The following LIN9 variants were observed in gnomAD, a reference collection of about 807,000 sequenced individuals.
LIN9 encodes the protein protein lin-9 homolog.
Under a neutral mutation model 78.0 loss-of-function variants are expected in LIN9, and 18 were observed. The observed-to-expected ratio is 0.23, with a 90% CI of 0.16 to 0.34. The LOEUF (loss-of-function observed/expected upper bound fraction) is 0.34, where lower values mean the gene tolerates loss of function less well. Ranked by LOEUF, LIN9 falls within the 10% of genes least tolerant of loss-of-function variation. The pLI is 1.00. For synonymous variants in LIN9, 192 were observed against 215.2 expected (o/e 0.89, Z 0.94); for missense variants, 451 against 644.1 (o/e 0.70, Z 3.25).
At chr1:226,307,360 C>T (rs1187765862) in intron 1 of LIN9, among the ~76,000 whole-genome samples, 2 of 152,188 alleles carry the variant, frequency 1.3e-5, no homozygotes, top group African/African-American at 4.8e-5. Flanking sequence ...AGACCAGCTG[C>T]GGTGGCTCAC....
At chr1:226,272,381 CTTT>C (rs570128823) in intron 7 of LIN9, among the ~76,000 whole-genome samples, 11 of 125,918 alleles carry the variant, frequency 8.7e-5, no homozygotes, top group Non-Finnish European at 1.4e-4. Context: ...ATTGAAGTGG[CTTT>C]TTTTTTTTTT....
intron 10 of LIN9, among the ~76,000 whole-genome samples, chr1:226,254,338 C>T (rs371142662): frequency 9.2e-5 from 14 of 152,160 alleles, no homozygotes; most frequent in African/African-American, 3.4e-4. Context: ...GCAAAAAAAT[C>T]AAAATATCAA....
chr1:226,252,322 G>C (rs7521958), intron 10 of LIN9, among the ~76,000 whole-genome samples: 1 of 143,582 alleles, frequency 7.0e-6, no homozygotes, highest in Admixed American at 7.0e-5. Flanking sequence ...ATAAATAAAT[G>C]AATGAATGAA....
intron 4 of LIN9, among the ~76,000 whole-genome samples, chr1:226,290,388 T>G (rs1472429550): frequency 1.3e-5 from 2 of 151,522 alleles, no homozygotes; most frequent in Non-Finnish European, 2.9e-5. Flanking sequence ...TTGCCCAGGC[T>G]GGAGTGCAGT....
At chr1:226,272,781 TC>T (rs750566588) in intron 7 of LIN9, among the ~76,000 whole-genome samples, 16 of 152,096 alleles carry the variant, frequency 1.1e-4, no homozygotes, top group Non-Finnish European at 1.8e-4. Context: ...CAGCTGTAGA[TC>T]ATGTGCCTGC....
In LIN9 at chr1:226,277,816, T is replaced by G; in HGVS notation, c.641A>C (p.Asp214Ala). Residue 214 changes from aspartate to alanine, a missense_variant, in exon 7 of 15, where the codon GAT becomes GCT. By Grantham distance (126) the Asp-to-Ala change is moderately radical. Transcript: ENST00000681046. ...AATAACCAGAGGCAAAGGAATTTCA[T>G]CTGGGAGATCTTTGAATTGTGAAAC... The part of the protein sequence containing the change: ...ADVSQFKDLP[D>A]EIPLPLVIGT... 6 of 1,613,932 alleles carry G rather than the reference T, an allele frequency of 3.7e-6. No individual in the cohort carries two copies. Among genetic ancestry groups the G allele is most frequent in the Non-Finnish European group, 5.1e-6 (6 of 1,179,918 alleles).
At chr1:226,275,608 G>A (rs557839494) in intron 7 of LIN9, among the ~76,000 whole-genome samples, 3 of 149,566 alleles carry the variant, frequency 2.0e-5, no homozygotes, top group South Asian at 2.1e-4. Context: ...CAGGAGAATC[G>A]CTTGAACCTG....
intron 6 of LIN9, among the ~76,000 whole-genome samples, chr1:226,283,188 G>A (rs553682273): frequency 1.3e-4 from 20 of 151,848 alleles, no homozygotes; most frequent in African/African-American, 4.4e-4. Context: ...GTGCAGTGGC[G>A]TGAGCATGGC....
intron 4 of LIN9, among the ~76,000 whole-genome samples, chr1:226,293,500 G>A (rs1230915755): frequency 6.6e-6 from 1 of 152,138 alleles, no homozygotes; most frequent in African/African-American, 2.4e-5. Flanking sequence ...ATTCAACCTT[G>A]TATACAACAG....
At chr1:226,260,255 T>C (rs1302239887) in intron 10 of LIN9, among the ~76,000 whole-genome samples, 1 of 152,166 alleles carries the variant, frequency 6.6e-6, no homozygotes. Context: ...CTACTAAACA[T>C]TTGAGGAAGA....
chr1:226,309,148 A>G lies in LIN9; in HGVS notation c.-9T>C, dbSNP rs1289966342. 3 of 1,375,324 alleles carry G rather than the reference A, an allele frequency of 2.2e-6. No individual in the cohort carries two copies. Among genetic ancestry groups the G allele is most frequent in the Non-Finnish European group, 2.9e-6 (3 of 1,051,374 alleles). The allele number at this position is 1,375,324 out of a possible 1,614,324, so 85.2% of individuals were successfully genotyped here. ...TGGTCGAGCTCCGCCATCTTGAACG[A>G]GCCGCGCCGCTTTTTCAAAGGCTGC... On this transcript the variant is annotated 5_prime_UTR_variant, in exon 1 of 15. Transcript: ENST00000681046.
At position 226,265,416 on chromosome 1, in the gene LIN9, C is replaced by T. The variant is rs1031042954; in HGVS notation, c.1038+117G>A. On this transcript the variant is annotated intron_variant, in intron 10 of 14. Coordinates refer to ENST00000681046, the MANE Select transcript of LIN9 (RefSeq NM_001366245.2). The surrounding 1 kb of genome is among the most constrained non-coding windows in gnomAD (Gnocchi z 4.1). Reference sequence around the variant, plus strand: ...TTTCAGGCTTTGTTGGAAATAGCAGCTCTTAAAACCTACACGGTGATAAAC... The same window carrying T: ...TTTCAGGCTTTGTTGGAAATAGCAGTTCTTAAAACCTACACGGTGATAAAC... 2.8e-5 allele frequency: 14 copies of T among 507,078 alleles called. No homozygotes were observed. The highest frequency in any genetic ancestry group is 2.2e-4 in the Admixed American group (6 of 27,688). 31.4% of individuals were successfully genotyped at this position (507,078 alleles called of 1,614,324 possible). A position where few individuals can be genotyped will look rare whatever the true frequency, so the allele number is the denominator to read the frequency against.
intron 1 of LIN9, among the ~76,000 whole-genome samples, chr1:226,307,142 A>G (rs1433388322): frequency 6.6e-6 from 1 of 152,254 alleles, no homozygotes; most frequent in African/African-American, 2.4e-5. Flanking sequence ...TCCTAATGGC[A>G]GTTGTAAGAA....
chr1:226,301,038 G>A (rs1662505984), intron 2 of LIN9, 135 bp downstream of exon 2: 1 of 486,550 alleles, frequency 2.1e-6, no homozygotes, highest in East Asian at 3.1e-5. Flanking sequence ...ATTAATTTAA[G>A]GTTATCAGTG....
intron 6 of LIN9, among the ~76,000 whole-genome samples, chr1:226,280,974 T>G (rs916930145): frequency 6.6e-6 from 1 of 152,222 alleles, no homozygotes; most frequent in African/African-American, 2.4e-5. Flanking sequence ...CTCCCATGTT[T>G]ATTGTAGCAC....
chr1:226,287,330 C>A (rs1304920751), intron 5 of LIN9, among the ~76,000 whole-genome samples: 1 of 152,082 alleles, frequency 6.6e-6, no homozygotes, highest in East Asian at 1.9e-4. Context: ...ATGATTATAC[C>A]AGCACTTAAC....
At chr1:226,245,311 C>T (rs1022926662) in intron 11 of LIN9, among the ~76,000 whole-genome samples, 30 of 152,176 alleles carry the variant, frequency 2.0e-4, no homozygotes, top group African/African-American at 6.8e-4. Flanking sequence ...AGAATTGCTA[C>T]ACCCTTCATA....
In LIN9 at chr1:226,253,921, GA is replaced by G. The variant is rs1576296051; in HGVS notation, c.1039-3003del. On this transcript the variant is annotated intron_variant, in intron 10 of 14. Coordinates refer to ENST00000681046, the MANE Select transcript of LIN9 (RefSeq NM_001366245.2). ...CAGAGTAAGATTCTGTTTCAAAAAA[GA>G]AAAAAAAGAAAGAAAGAAATAATAA... Among the ~76,000 whole-genome samples, 8 of 151,434 alleles carry G rather than the reference GA, an allele frequency of 5.3e-5. No homozygotes were observed. In the East Asian group the frequency reaches 1.6e-3, roughly 29 times the overall value.
intron 11 of LIN9, among the ~76,000 whole-genome samples, chr1:226,245,940 C>T (rs774551382): frequency 1.2e-4 from 19 of 152,172 alleles, no homozygotes; most frequent in Non-Finnish European, 2.4e-4. Context: ...TCATCTTTTA[C>T]TATTATTTTA....
Sources: allele counts gnomAD v4.1 joint callset (sites outside exome capture counted in the v4.1 genomes callset), GRCh38; gene constraint gnomAD v4.1.1; non-coding constraint Gnocchi (gnomAD v3.1); transcripts MANE v1.5; gene names NCBI Gene and HGNC (gene_info 2026-07-23, HGNC 2026-07-21).